KCND3: variants seen among roughly 807,000 people sequenced by gnomAD.
KCND3 encodes the protein A-type voltage-gated potassium channel KCND3.
KCND3 carries 9 observed loss-of-function variants against 51.1 expected under a neutral mutation model. The observed-to-expected ratio is 0.18, with a 90% CI of 0.11 to 0.31. The LOEUF (loss-of-function observed/expected upper bound fraction) is 0.31. Among genes scored for constraint, KCND3 ranks in the 10% least tolerant of loss-of-function variants. The probability of loss-of-function intolerance (pLI) is 1.00; values close to 1 mark genes in which losing one functional copy is unlikely to be tolerated. For missense variants in KCND3, 526 were observed against 903.8 expected (o/e 0.58, Z 5.36); for synonymous variants, 349 against 368.0 (o/e 0.95, Z 0.59).
chr1:111,948,828 G>C (rs963194586), intron 2 of KCND3, among the ~76,000 whole-genome samples: 4 of 152,056 alleles, frequency 2.6e-5, no homozygotes, highest in African/African-American at 9.7e-5. Context: ...GGGAGGGATA[G>C]GCGAGAAGGG....
intron 2 of KCND3, among the ~76,000 whole-genome samples, chr1:111,979,254 T>C (rs1433700908): frequency 6.6e-6 from 1 of 152,232 alleles, no homozygotes; most frequent in African/African-American, 2.4e-5. Context: ...GAGACCAAGA[T>C]ACTCCACTTT....
At chr1:111,866,157 G>T (rs1668554400) in intron 2 of KCND3, among the ~76,000 whole-genome samples, 2 of 151,792 alleles carry the variant, frequency 1.3e-5, no homozygotes, top group African/African-American at 4.8e-5. Flanking sequence ...TAGCAAAATT[G>T]AATGAATACC....
chr1:111,886,666 C>T (rs926207899), intron 2 of KCND3, among the ~76,000 whole-genome samples: 1 of 152,126 alleles, frequency 6.6e-6, no homozygotes, highest in African/African-American at 2.4e-5. Context: ...AGCATCAGGC[C>T]CTGTGATAAG....
chr1:111,967,515 A>G lies in KCND3; in HGVS notation c.1106+14106T>C, dbSNP rs151268554. ...ATCTGCGTCCTGCCAGCTCACCGTC[A>G]AGTACCCTGTTCACGCACCCTGGAG... On this transcript the variant is annotated intron_variant, in intron 2 of 7. Transcript: ENST00000302127. Among the ~76,000 whole-genome samples the G allele has an allele frequency of 4.5e-4, 69 of 152,278 alleles. 1 individual carries two copies. The East Asian group carries it at 0.011, about 24-fold the overall frequency.
intron 2 of KCND3, among the ~76,000 whole-genome samples, chr1:111,902,408 T>G (rs913107260): frequency 6.6e-6 from 1 of 152,172 alleles, no homozygotes; most frequent in African/African-American, 2.4e-5. Context: ...TGAGTGCGGA[T>G]GAGGGACACA....
intron 2 of KCND3, among the ~76,000 whole-genome samples, chr1:111,972,493 C>G (rs730023): frequency 0.5 from 75,621 of 152,102 alleles, 19,133 homozygotes; most frequent in Non-Finnish European, 0.56. Flanking sequence ...ATCTTAAACA[C>G]TAGCAAACCA....
intron 2 of KCND3, among the ~76,000 whole-genome samples, chr1:111,825,918 T>C (rs1241809733): frequency 6.6e-6 from 1 of 152,246 alleles, no homozygotes; most frequent in Non-Finnish European, 1.5e-5. Flanking sequence ...CTGAGTGCCA[T>C]ATCCCACGTG....
chr1:111,958,799 T>C (rs1396862011), intron 2 of KCND3, among the ~76,000 whole-genome samples: 3 of 152,180 alleles, frequency 2.0e-5, no homozygotes, highest in African/African-American at 7.2e-5. Context: ...TGCAGGGTTG[T>C]GGAGGGTTTT....
intron 2 of KCND3, among the ~76,000 whole-genome samples, chr1:111,866,540 T>C (rs1392345311): frequency 5.9e-5 from 9 of 151,488 alleles, no homozygotes; most frequent in African/African-American, 2.2e-4. Context: ...GCTGGGATTA[T>C]AGGCATGAGC....
rs966899078 is a variant in KCND3 at position 111,780,480 on chromosome 1, G to T, written c.1372-166C>A. Among the ~76,000 whole-genome samples, 3 of 152,110 alleles carry T rather than the reference G, an allele frequency of 2.0e-5. No individual in the cohort carries two copies. Among genetic ancestry groups the T allele is most frequent in the African/African-American group, 7.2e-5 (3 of 41,412 alleles). ...AATATGCTAACCTTTGGGCTCAGGG[G>T]CCCTTGGTCTAAACCTGGTTTAGAG... On this transcript the variant is annotated intron_variant, in intron 4 of 7. Transcript: ENST00000302127. The surrounding 1 kb of genome is among the most constrained non-coding windows in gnomAD (Gnocchi z 4.2).
chr1:111,888,330 G>C (rs1303397036), intron 2 of KCND3, among the ~76,000 whole-genome samples: 2 of 152,222 alleles, frequency 1.3e-5, no homozygotes, highest in African/African-American at 4.8e-5. Flanking sequence ...TGCAAAGGAG[G>C]ATGAGGGCAA....
chr1:111,929,421 T>C (rs1671857347), intron 2 of KCND3, among the ~76,000 whole-genome samples: 1 of 152,202 alleles, frequency 6.6e-6, no homozygotes, highest in Non-Finnish European at 1.5e-5. Context: ...TGCCTTGGCA[T>C]CTCCTGGGGG....
chr1:111,878,357 T>A (rs918908926), intron 2 of KCND3, among the ~76,000 whole-genome samples: 3 of 152,200 alleles, frequency 2.0e-5, no homozygotes, highest in African/African-American at 7.2e-5. Flanking sequence ...CAGCACGAGC[T>A]CAGCTGCTGA....
intron 2 of KCND3, among the ~76,000 whole-genome samples, chr1:111,889,634 T>C (rs1301119623): frequency 1.1e-4 from 16 of 152,072 alleles, no homozygotes; most frequent in Admixed American, 1.0e-3. Flanking sequence ...CTCTGTGATT[T>C]TGAGGGCTCC....
intron 2 of KCND3, among the ~76,000 whole-genome samples, chr1:111,841,072 T>C (rs1387069019): frequency 1.3e-5 from 2 of 152,238 alleles, no homozygotes; most frequent in Non-Finnish European, 2.9e-5. Flanking sequence ...GATAAAATTA[T>C]TAGTGGGTCA....
chr1:111,832,108 C>G (rs947626995), intron 2 of KCND3, among the ~76,000 whole-genome samples: 1 of 152,230 alleles, frequency 6.6e-6, no homozygotes, highest in Non-Finnish European at 1.5e-5. Flanking sequence ...TCTCCCCTTA[C>G]TCAGGAAGTA....
intron 2 of KCND3, among the ~76,000 whole-genome samples, chr1:111,956,184 G>T (rs981923654): frequency 1.3e-5 from 2 of 152,096 alleles, no homozygotes; most frequent in African/African-American, 4.8e-5. Context: ...CTTGGAGACC[G>T]CTTTGAGGGG....
intron 2 of KCND3, among the ~76,000 whole-genome samples, chr1:111,898,938 A>G (rs1247708256): frequency 6.6e-6 from 1 of 152,152 alleles, no homozygotes; most frequent in Non-Finnish European, 1.5e-5. Flanking sequence ...GCTCAGCACC[A>G]TCTTACTGTT....
chr1:111,822,198 G>A (rs574261139), intron 2 of KCND3, among the ~76,000 whole-genome samples: 5 of 151,712 alleles, frequency 3.3e-5, no homozygotes, highest in South Asian at 2.1e-4. Context: ...TATGTTTGTC[G>A]TGTAAGCAAT....
Sources: allele counts gnomAD v4.1 joint callset (sites outside exome capture counted in the v4.1 genomes callset), GRCh38; gene constraint gnomAD v4.1.1; non-coding constraint Gnocchi (gnomAD v3.1); transcripts MANE v1.5; gene names NCBI Gene and HGNC (gene_info 2026-07-23, HGNC 2026-07-21).